The following GPR137B variants were observed in gnomAD, a reference collection of about 807,000 sequenced individuals.
GPR137B encodes the protein G protein-coupled receptor 137B.
A neutral mutation model predicts 42.5 loss-of-function variants in GPR137B; 42 were observed. The observed-to-expected ratio is 0.99, with a 90% CI of 0.77 to 1.28. The LOEUF is 1.28. Ranked by LOEUF, GPR137B falls within the 50% of genes most tolerant of loss-of-function variation. The probability of loss-of-function intolerance (pLI) is 0.00; values close to 1 mark genes in which losing one functional copy is unlikely to be tolerated. For synonymous variants in GPR137B, 218 were observed against 209.7 expected (o/e 1.04, Z -0.34); for missense variants, 487 against 493.9 (o/e 0.99, Z 0.13).
rs1017035595 is a variant in GPR137B, at chr1:236,156,976, A to G, written c.415-11730A>G. Among the ~76,000 whole-genome samples, 8 of 152,210 alleles carry G rather than the reference A, an allele frequency of 5.3e-5. No individual in the cohort carries two copies. The highest frequency in any genetic ancestry group is 1.0e-4 in the Non-Finnish European group (7 of 68,046). The stretch of plus-strand genomic sequence containing the variant: ...TGGTTTGCGAACATAGATGAGGACT[A>G]ATAATACCAACAGCAGGGGTTGCAG... On this transcript the variant is annotated intron_variant, in intron 1 of 6. Transcript: ENST00000366592. The surrounding 1 kb of genome is among the most constrained non-coding windows in gnomAD (Gnocchi z 4.8).
rs565807603 is a variant in GPR137B, at chr1:236,150,223, G to A, written c.414+7187G>A. On this transcript the variant is annotated intron_variant, in intron 1 of 6. Transcript: ENST00000366592. This position sits in a 1 kb window ranked among gnomAD's most constrained non-coding sequence, Gnocchi z 6.2. ...CCTGTGTGTGTGTCTGTGCCTGTGT[G>A]TGCCTGTGTATGTCTGTGCCCGTGT... Among the ~76,000 whole-genome samples, 11 of 150,312 alleles carry A rather than the reference G, an allele frequency of 7.3e-5. No homozygotes were observed. The highest frequency in any genetic ancestry group is 1.0e-4 in the Non-Finnish European group (7 of 67,594).
rs1661569695 is a variant in GPR137B at position 236,142,977 on chromosome 1, T to C, written c.355T>C (p.Cys119Arg). ...LSPFVFWLLY[C>R]FPVCLQFFTL... Reference sequence around the variant, plus strand: ...CCCCTTCGTCTTCTGGCTGCTCTACTGCTTCCCTGTGTGCCTGCAGTTTTT... The same window carrying C: ...CCCCTTCGTCTTCTGGCTGCTCTACCGCTTCCCTGTGTGCCTGCAGTTTTT... Residue 119 changes from cysteine to arginine, a missense_variant, in exon 1 of 7, where the codon TGC becomes CGC. Cys to Arg is a radical substitution (Grantham distance 180). Transcript: ENST00000366592. 6.2e-7 allele frequency: 1 copy of C among 1,613,974 alleles called. No homozygotes were observed. Among genetic ancestry groups the C allele is most frequent in the South Asian group, 1.1e-5 (1 of 91,064 alleles).
At chr1:236,192,358 A>G (rs1663213639) in intron 5 of GPR137B, among the ~76,000 whole-genome samples, 1 of 151,442 alleles carries the variant, frequency 6.6e-6, no homozygotes, top group Admixed American at 6.6e-5. Context: ...GGCGTTCCAG[A>G]TGCCACTGGG....
intron 2 of GPR137B, among the ~76,000 whole-genome samples, chr1:236,174,177 A>G (rs935563618): frequency 6.6e-6 from 1 of 152,284 alleles, no homozygotes; most frequent in Admixed American, 6.5e-5. Context: ...ATATTTTTCC[A>G]TATTGTTTTA....
At chr1:236,178,780 T>A in intron 3 of GPR137B, 144 bp downstream of exon 3, 1 of 344,398 alleles carries the variant, frequency 2.9e-6, no homozygotes, top group African/African-American at 2.4e-5. Flanking sequence ...CAGGGGCTAC[T>A]CGAGGTTTTT....
Position 236,205,104 on chromosome 1 carries a change from G to C in GPR137B, c.967-22G>C, listed in dbSNP as rs1663616211. ...AAGGCATGATGTCTGTAAGTATGCT[G>C]AATGATTACCTGTCTTTCTAGACCA... is the stretch of plus-strand genomic sequence containing the variant. On this transcript the variant is annotated intron_variant, in intron 5 of 6. Transcript: ENST00000366592. 3.1e-6 allele frequency: 5 copies of C among 1,604,482 alleles called. No individual in the cohort carries two copies. In the African/African-American group the frequency reaches 6.7e-5, roughly 21 times the overall value.
At chr1:236,180,262 A>G (rs911610754) in intron 4 of GPR137B, 2 of 416,070 alleles carry the variant, frequency 4.8e-6, no homozygotes, top group South Asian at 5.0e-5. Context: ...GTTATACTAC[A>G]TTGTTTGAAA....
rs544340957 is a variant in GPR137B at position 236,169,594 on chromosome 1, A to T, written c.464+839A>T. On this transcript the variant is annotated intron_variant, in intron 2 of 6. Transcript: ENST00000366592. ...ACCGGGAGGCATGGACATTTTGTGGAAGAGAGGCTTGTGCCAGAGTGTAAT... is the reference window on the plus strand; with the variant it reads ...ACCGGGAGGCATGGACATTTTGTGGTAGAGAGGCTTGTGCCAGAGTGTAAT... Among the ~76,000 whole-genome samples, 14 of 152,306 alleles carry T rather than the reference A, an allele frequency of 9.2e-5. No homozygotes were observed. In the South Asian group the frequency reaches 2.7e-3, roughly 29 times the overall value.
chr1:236,191,333 G>A (rs10802389), intron 5 of GPR137B, among the ~76,000 whole-genome samples: 1 of 151,938 alleles, frequency 6.6e-6, no homozygotes, highest in South Asian at 2.1e-4. Context: ...CTTCTGAAGC[G>A]TACTTCTGTC....
intron 5 of GPR137B, among the ~76,000 whole-genome samples, chr1:236,198,914 C>T (rs181221388): frequency 1.3e-5 from 2 of 152,246 alleles, no homozygotes; most frequent in East Asian, 3.9e-4. Flanking sequence ...ATTGCTCTGG[C>T]TAAGGACTTC....
Position 236,148,717 on chromosome 1 carries a change from G to A in GPR137B, c.414+5681G>A, listed in dbSNP as rs142309200. Among the ~76,000 whole-genome samples, 1,407 of 152,282 alleles carry A rather than the reference G, an allele frequency of 9.2e-3. 5 individuals carry two copies. The highest frequency in any genetic ancestry group is 0.016 in the Non-Finnish European group (1,079 of 68,018). The stretch of plus-strand genomic sequence containing the variant: ...GGTTCGTGAGTCATGTGGTCCTGTG[G>A]GATGGTGCCAGGGGCTCGTGGTGAG... On this transcript the variant is annotated intron_variant, in intron 1 of 6. Transcript: ENST00000366592.
At chr1:236,170,996 A>G (rs1662519600) in intron 2 of GPR137B, among the ~76,000 whole-genome samples, 1 of 127,470 alleles carries the variant, frequency 7.8e-6, no homozygotes, top group South Asian at 2.3e-4. Context: ...AAAAGGAAAA[A>G]GATATTTTTG....
intron 5 of GPR137B, among the ~76,000 whole-genome samples, chr1:236,196,076 A>G (rs1663323441): frequency 1.3e-5 from 2 of 152,156 alleles, no homozygotes. Flanking sequence ...TTAACTTGAT[A>G]TGATCCTATT....
chr1:236,144,916 C>T (rs921717523), intron 1 of GPR137B, among the ~76,000 whole-genome samples: 4 of 152,338 alleles, frequency 2.6e-5, no homozygotes, highest in South Asian at 2.1e-4. Flanking sequence ...GATTAGGGGC[C>T]GGGCTGCACA....
chr1:236,158,616 T>C (rs535626255), intron 1 of GPR137B, among the ~76,000 whole-genome samples: 1 of 152,352 alleles, frequency 6.6e-6, no homozygotes, highest in South Asian at 2.1e-4. Flanking sequence ...CCAGCGTGTG[T>C]GATAGAGACT....
At position 236,193,933 on chromosome 1, in the gene GPR137B, G is replaced by A. The variant is rs536977864; in HGVS notation, c.966+10027G>A. Among the ~76,000 whole-genome samples, 12 of 152,224 alleles carry A rather than the reference G, an allele frequency of 7.9e-5. 1 individual carries two copies. In the East Asian group the frequency reaches 2.3e-3, roughly 29 times the overall value. ...CTGGTGTCATACCCAAGAACCCTTT[G>A]CCACATCGTATACTGATGGTCCCTG... On this transcript the variant is annotated intron_variant, in intron 5 of 6. Transcript: ENST00000366592.
At chr1:236,200,083 A>AT (rs1464384869) in intron 5 of GPR137B, among the ~76,000 whole-genome samples, 15 of 151,938 alleles carry the variant, frequency 9.9e-5, no homozygotes, top group African/African-American at 3.4e-4. Flanking sequence ...TAAGAATTTA[A>AT]TTTCCATCTT....
At chr1:236,161,880 T>A (rs1662212654) in intron 1 of GPR137B, among the ~76,000 whole-genome samples, 1 of 152,224 alleles carries the variant, frequency 6.6e-6, no homozygotes, top group Non-Finnish European at 1.5e-5. Context: ...GTCTCGGGTA[T>A]GTCTTTATCA....
chr1:236,158,481 G>A (rs1025191886), intron 1 of GPR137B, among the ~76,000 whole-genome samples: 2 of 152,194 alleles, frequency 1.3e-5, no homozygotes, highest in African/African-American at 4.8e-5. Flanking sequence ...TAAGGATGGA[G>A]TGCTGGGTGC....
Sources: gnomAD v4.1 joint callset for allele counts (sites outside exome capture counted in the v4.1 genomes callset) on GRCh38, gnomAD v4.1.1 for gene constraint, Gnocchi (gnomAD v3.1) non-coding constraint, MANE v1.5 for transcripts, NCBI Gene and HGNC (gene_info 2026-07-23, HGNC 2026-07-21) for gene names.